Variants in GYG2 observed in about 807,000 individuals in gnomAD.
GYG2 encodes the protein glycogenin-2.
A neutral mutation model predicts 29.4 loss-of-function variants in GYG2; 29 were observed. The ratio of observed to expected loss-of-function variants is 0.99; its 90% CI spans 0.74 to 1.35. GYG2 has a LOEUF of 1.35. Among genes scored for constraint, GYG2 ranks in the 40% most tolerant of loss-of-function variants. The pLI is 0.00. For missense variants in GYG2, 370 were observed against 385.7 expected (o/e 0.96, Z 0.34); for synonymous variants, 167 against 172.3 (o/e 0.97, Z 0.24).
chrX:2,843,655 G>T (rs1208407012), intron 3 of GYG2, among the ~76,000 whole-genome samples: 4 of 111,760 alleles, frequency 3.6e-5, no homozygotes, highest in Non-Finnish European at 5.6e-5. Context: ...TTTGAGACAG[G>T]GTCTCGCTCT....
At chrX:2,853,940 T>C (rs1403407310) in intron 3 of GYG2, 40 bp from the exon 4 acceptor site, 2 of 1,042,204 alleles carry the variant, frequency 1.9e-6, no homozygotes, top group Non-Finnish European at 1.3e-6. Flanking sequence ...GTGCTGAATA[T>C]TCACCCGCTG....
chrX:2,846,130 G>A lies in GYG2; in HGVS notation c.149+2776G>A, dbSNP rs763580832. Among the ~76,000 whole-genome samples the A allele has an allele frequency of 1.8e-4, 15 of 84,657 alleles. 1 individual carries two copies. The East Asian group carries it at 4.2e-3, about 23-fold the overall frequency. 73.5% of individuals were successfully genotyped at this position (84,657 alleles called of 115,157 possible). ...CGTCCAAGCTGGAGTGCCATGGCGC[G>A]ATCTTGGCTCAGTGCAACCTCCATC... On this transcript the variant is annotated intron_variant, in intron 3 of 10. Transcript: ENST00000398806.
rs1350669278 is a variant in GYG2, at chrX:2,856,733, CTATCATCT to C, written c.614+110_614+117del. ...ATATTTAAAAACTCTATCTATCTAT[CTATCATCT>C]ATCTATCTATGTATCTATCTATCTA... is the stretch of plus-strand genomic sequence containing the variant. On this transcript the variant is annotated intron_variant, in intron 6 of 10. Coordinates refer to ENST00000398806, the MANE Select transcript of GYG2 (RefSeq NM_001079855.2). The C allele has an allele frequency of 3.9e-6, 2 of 514,482 alleles. 1 individual carries two copies. Among genetic ancestry groups the C allele is most frequent in the East Asian group, 7.1e-5 (2 of 28,274 alleles). The allele number at this position is 514,482 out of a possible 1,213,427, so 42.4% of individuals were successfully genotyped here.
chrX:2,869,382 G>T (rs2088396180), intron 8 of GYG2, among the ~76,000 whole-genome samples: 1 of 110,782 alleles, frequency 9.0e-6, no homozygotes, highest in Non-Finnish European at 1.9e-5. Flanking sequence ...AATCCTCCAT[G>T]GATATCAGGA....
intron 2 of GYG2, among the ~76,000 whole-genome samples, chrX:2,837,025 G>A (rs1322722408): frequency 3.6e-5 from 4 of 111,326 alleles, no homozygotes; most frequent in East Asian, 5.6e-4. Context: ...TGTGCCTCTC[G>A]GTTAAGATCT....
intron 3 of GYG2, among the ~76,000 whole-genome samples, chrX:2,844,468 G>A (rs1425045380): frequency 9.1e-6 from 1 of 110,020 alleles, no homozygotes; most frequent in Non-Finnish European, 1.9e-5. Context: ...ATACACACAC[G>A]TATGCATATA....
chrX:2,844,501 C>T (rs777241421), intron 3 of GYG2, among the ~76,000 whole-genome samples: 4 of 103,785 alleles, frequency 3.9e-5, no homozygotes, highest in East Asian at 3.1e-4. Context: ...CACGCGTGTG[C>T]GTATATATGT....
intron 8 of GYG2, among the ~76,000 whole-genome samples, chrX:2,868,210 C>G (rs1019829148): frequency 9.0e-6 from 1 of 110,579 alleles, no homozygotes; most frequent in Non-Finnish European, 1.9e-5. Flanking sequence ...AGAATTCTAA[C>G]CAAAAAGGTA....
intron 8 of GYG2, among the ~76,000 whole-genome samples, chrX:2,868,278 C>T (rs1363026402): frequency 9.5e-6 from 1 of 105,456 alleles, no homozygotes; most frequent in Non-Finnish European, 2.0e-5. Flanking sequence ...TAGGCTGAGG[C>T]AGGCAGTTCA....
chrX:2,865,882 G>A (rs2088284738), intron 8 of GYG2, among the ~76,000 whole-genome samples: 1 of 109,362 alleles, frequency 9.1e-6, no homozygotes, highest in South Asian at 3.9e-4. Context: ...CATCACCACT[G>A]GGCATTTATC....
chrX:2,829,329 G>A, intron 1 of GYG2: 1 of 112,120 alleles, frequency 8.9e-6, no homozygotes, highest in South Asian at 3.4e-4. Flanking sequence ...GGCGCGGCGG[G>A]GCGCGGGGAG....
chrX:2,877,865 T>G (rs2088636351), intron 10 of GYG2: 1 of 751,417 alleles, frequency 1.3e-6, no homozygotes, highest in Non-Finnish European at 1.6e-6. Context: ...CATTTGGTCT[T>G]TAAGTAACAA....
At chrX:2,833,088 T>C (rs1446585671) in intron 2 of GYG2, among the ~76,000 whole-genome samples, 1 of 111,682 alleles carries the variant, frequency 9.0e-6, no homozygotes, top group East Asian at 2.8e-4. Context: ...ACTGGGCGGC[T>C]TAAACAACAC....
At chrX:2,834,068 C>T (rs1299876800) in intron 2 of GYG2, among the ~76,000 whole-genome samples, 1 of 112,484 alleles carries the variant, frequency 8.9e-6, no homozygotes, top group African/African-American at 3.2e-5. Flanking sequence ...GGTCCTTGTT[C>T]TCCAGCTGCT....
intron 8 of GYG2, among the ~76,000 whole-genome samples, chrX:2,867,631 G>A (rs1019459006): frequency 9.0e-6 from 1 of 111,441 alleles, no homozygotes; most frequent in African/African-American, 3.3e-5. Flanking sequence ...AGACGACTGC[G>A]AGACATGCTT....
chrX:2,853,926 T>C, intron 3 of GYG2, 54 bp from the exon 4 acceptor site: 1 of 886,494 alleles, frequency 1.1e-6, no homozygotes, highest in Non-Finnish European at 1.6e-6. Context: ...GAGGAGGTGG[T>C]TCTGTGCTGA....
At chrX:2,847,533 CAAAAAA>C (rs34368863) in intron 3 of GYG2, among the ~76,000 whole-genome samples, 4 of 56,246 alleles carry the variant, frequency 7.1e-5, no homozygotes, top group African/African-American at 1.3e-4. Context: ...ACTAAAAGTA[CAAAAAA>C]AAAAAAAAAA....
At chrX:2,830,879 C>A (rs1189396635) in intron 2 of GYG2, among the ~76,000 whole-genome samples, 1 of 112,478 alleles carries the variant, frequency 8.9e-6, no homozygotes, top group African/African-American at 3.2e-5. Flanking sequence ...TATGAGTGCA[C>A]CACTGCACTC....
At chrX:2,830,997 A>G (rs2087251243) in intron 2 of GYG2, among the ~76,000 whole-genome samples, 1 of 112,309 alleles carries the variant, frequency 8.9e-6, no homozygotes, top group Non-Finnish European at 1.9e-5. Context: ...ATGGCAGGAA[A>G]GGCCTGCCCC....
Sources: gnomAD v4.1 joint callset for allele counts (sites outside exome capture counted in the v4.1 genomes callset) on GRCh38, gnomAD v4.1.1 for gene constraint, MANE v1.5 for transcripts, NCBI Gene and HGNC (gene_info 2026-07-23, HGNC 2026-07-21) for gene names.